GFRA1: variants seen among roughly 807,000 people sequenced by gnomAD.
GFRA1 encodes the protein GDNF family receptor alpha 1.
A neutral mutation model predicts 51.6 loss-of-function variants in GFRA1; 16 were observed. The ratio of observed to expected loss-of-function variants is 0.31; its 90% CI spans 0.21 to 0.47. The LOEUF (loss-of-function observed/expected upper bound fraction) is 0.47, where lower values mean the gene tolerates loss of function less well. Among genes scored for constraint, GFRA1 ranks in the 20% least tolerant of loss-of-function variants. The pLI, the probability that GFRA1 is intolerant of heterozygous loss-of-function variation, is 1.00. For missense variants in GFRA1, 530 were observed against 594.3 expected (o/e 0.89, Z 1.13); for synonymous variants, 270 against 241.3 (o/e 1.12, Z -1.10).
At chr10:116,263,332 G>A (rs1328972429) in intron 4 of GFRA1, among the ~76,000 whole-genome samples, 1 of 152,162 alleles carries the variant, frequency 6.6e-6, no homozygotes, top group Non-Finnish European at 1.5e-5. Context: ...TGAGGACCAA[G>A]TATGTTTCAG....
chr10:116,155,331 C>G (rs926289270), intron 5 of GFRA1, among the ~76,000 whole-genome samples: 1 of 152,130 alleles, frequency 6.6e-6, no homozygotes, highest in Non-Finnish European at 1.5e-5. Flanking sequence ...GCCACATACC[C>G]TCCTTCTAAA....
At chr10:116,141,875 T>A (rs1958584441) in intron 5 of GFRA1, among the ~76,000 whole-genome samples, 1 of 152,110 alleles carries the variant, frequency 6.6e-6, no homozygotes, top group African/African-American at 2.4e-5. Flanking sequence ...TAAGCCACCA[T>A]ACCCGACCTC....
intron 7 of GFRA1, among the ~76,000 whole-genome samples, chr10:116,094,313 T>TGCACC (rs1162809595): frequency 2.0e-5 from 3 of 152,236 alleles, no homozygotes; most frequent in Non-Finnish European, 4.4e-5. Flanking sequence ...GCGGTTAGCC[T>TGCACC]GCACCCTGAG....
At chr10:116,093,137 C>A (rs1476476818) in intron 8 of GFRA1, among the ~76,000 whole-genome samples, 1 of 152,198 alleles carries the variant, frequency 6.6e-6, no homozygotes, top group Non-Finnish European at 1.5e-5. Flanking sequence ...CATCCCGAGC[C>A]TCCTGCCTGC....
intron 6 of GFRA1, among the ~76,000 whole-genome samples, chr10:116,103,909 T>C (rs1452407597): frequency 6.6e-6 from 1 of 152,214 alleles, no homozygotes; most frequent in Non-Finnish European, 1.5e-5. Context: ...TATTGCTGTC[T>C]GGGCTGTGCA....
At chr10:116,167,334 C>T (rs1200927532) in intron 5 of GFRA1, among the ~76,000 whole-genome samples, 2 of 152,114 alleles carry the variant, frequency 1.3e-5, no homozygotes, top group African/African-American at 4.8e-5. Flanking sequence ...TTAGGCCTTC[C>T]CTTTGCCCCT....
intron 6 of GFRA1, 130 bp from the exon 7 acceptor site, chr10:116,096,894 C>CACAT (rs1565572700): frequency 1.6e-6 from 1 of 634,468 alleles, no homozygotes; most frequent in East Asian, 2.8e-5. Flanking sequence ...CACACACACA[C>CACAT]ACACACATAC....
chr10:116,268,330 T>A (rs1969834802), intron 4 of GFRA1, among the ~76,000 whole-genome samples: 1 of 152,248 alleles, frequency 6.6e-6, no homozygotes, highest in Non-Finnish European at 1.5e-5. Context: ...AAGCACTTGA[T>A]GATTACCTAA....
At chr10:116,155,348 C>A (rs1311940510) in intron 5 of GFRA1, among the ~76,000 whole-genome samples, 1 of 152,088 alleles carries the variant, frequency 6.6e-6, no homozygotes, top group African/African-American at 2.4e-5. Flanking sequence ...TAAATCTTTC[C>A]CCCTCTAGCA....
rs79044596 is a variant in GFRA1 at position 116,136,794 on chromosome 10, T to C, written c.434-11237A>G. ...CCTGAGCAACATCCAGTCCCCTGCA[T>C]TGAGGATGGGACTTTAAAAGCCAAA... On this transcript the variant is annotated intron_variant, in intron 5 of 10. Transcript: ENST00000355422. Among the ~76,000 whole-genome samples, 600 of 152,252 alleles carry C rather than the reference T, an allele frequency of 3.9e-3. 6 individuals carry two copies. The highest frequency in any genetic ancestry group is 0.014 in the African/African-American group (566 of 41,538).
At chr10:116,186,490 G>T (rs1409405932) in intron 5 of GFRA1, among the ~76,000 whole-genome samples, 1 of 148,934 alleles carries the variant, frequency 6.7e-6, no homozygotes, top group Non-Finnish European at 1.5e-5. Context: ...CAACTGATTG[G>T]TTTCCACATA....
intron 9 of GFRA1, among the ~76,000 whole-genome samples, chr10:116,087,335 T>G (rs1394222749): frequency 6.6e-6 from 1 of 152,142 alleles, no homozygotes; most frequent in African/African-American, 2.4e-5. Flanking sequence ...ACCCCTCTCC[T>G]CTCATGGGGG....
At chr10:116,087,499 A>C (rs779938292) in intron 9 of GFRA1, among the ~76,000 whole-genome samples, 5 of 152,216 alleles carry the variant, frequency 3.3e-5, no homozygotes, top group Non-Finnish European at 5.9e-5. Flanking sequence ...AAAGTTTCTA[A>C]AACAGAGAAG....
At chr10:116,262,509 ATAT>A (rs1244116916) in intron 4 of GFRA1, among the ~76,000 whole-genome samples, 4 of 132,180 alleles carry the variant, frequency 3.0e-5, no homozygotes, top group Non-Finnish European at 7.0e-5. Flanking sequence ...GTAAAAAAAA[ATAT>A]ATGTATACAT....
intron 5 of GFRA1, among the ~76,000 whole-genome samples, chr10:116,201,900 A>G (rs1487246201): frequency 6.6e-6 from 1 of 152,216 alleles, no homozygotes; most frequent in African/African-American, 2.4e-5. Flanking sequence ...GAATAAGGTA[A>G]CATTTGGATT....
intron 5 of GFRA1, among the ~76,000 whole-genome samples, chr10:116,196,447 C>T (rs1963757686): frequency 6.8e-6 from 1 of 146,976 alleles, no homozygotes; most frequent in East Asian, 2.0e-4. Context: ...TGAGACTGTG[C>T]CACTGTACTC....
intron 7 of GFRA1, among the ~76,000 whole-genome samples, chr10:116,095,719 A>G (rs1956541971): frequency 6.6e-6 from 1 of 152,128 alleles, no homozygotes; most frequent in Admixed American, 6.5e-5. Flanking sequence ...GGTGACAAAG[A>G]ATGTAGTCTG....
chr10:116,101,811 T>C (rs536673702), intron 6 of GFRA1, among the ~76,000 whole-genome samples: 5 of 152,300 alleles, frequency 3.3e-5, no homozygotes, highest in Admixed American at 3.3e-4. Flanking sequence ...TTGTAAGATG[T>C]TGAATGGGAT....
intron 4 of GFRA1, among the ~76,000 whole-genome samples, chr10:116,225,090 C>G (rs1310287279): frequency 1.3e-5 from 2 of 152,104 alleles, no homozygotes; most frequent in African/African-American, 4.8e-5. Context: ...CAGTAGCCCC[C>G]AGCCACATGT....
Sources: allele counts gnomAD v4.1 joint callset (sites outside exome capture counted in the v4.1 genomes callset), GRCh38; gene constraint gnomAD v4.1.1; transcripts MANE v1.5; gene names NCBI Gene and HGNC (gene_info 2026-07-23, HGNC 2026-07-21).